The following PRSS23 variants were observed in gnomAD, a reference collection of about 807,000 sequenced individuals.
PRSS23 encodes protease, serine 23.
Under a neutral mutation model 34.7 loss-of-function variants are expected in PRSS23, and 25 were observed. The observed-to-expected ratio is 0.72, with a 90% CI of 0.53 to 1.01. The LOEUF is 1.01. PRSS23 is among the 50% of genes least tolerant of loss of function. The pLI is 0.00. For missense variants in PRSS23, 445 were observed against 475.6 expected (o/e 0.94, Z 0.60); for synonymous variants, 176 against 186.6 (o/e 0.94, Z 0.46).
At position 86,840,278 on chromosome 11, in the gene PRSS23, A is replaced by AAAAC. The variant is rs564155464; in HGVS notation, c.206+16701_206+16704dup. On this transcript the variant is annotated intron_variant, in intron 2 of 2. Transcript: ENST00000533902. ...AAGATCTACCAAGCAAATGGAAAGC[A>AAAAC]AAACAAACAAACAAACAAAAAAAGC... 1.4e-3 allele frequency among the ~76,000 whole-genome samples: 210 copies of AAAAC among 152,326 alleles called. 1 individual carries two copies. Among genetic ancestry groups the AAAAC allele is most frequent in the Non-Finnish European group, 1.5e-3 (103 of 68,026 alleles).
At chr11:86,838,717 A>T (rs1354203946) in intron 2 of PRSS23, among the ~76,000 whole-genome samples, 1 of 152,184 alleles carries the variant, frequency 6.6e-6, no homozygotes, top group Non-Finnish European at 1.5e-5. Flanking sequence ...GACATCTCCC[A>T]GAAGGGGAGC....
chr11:86,917,899 C>T (rs1330935314), intron 2 of PRSS23, among the ~76,000 whole-genome samples: 12 of 152,196 alleles, frequency 7.9e-5, no homozygotes, highest in African/African-American at 2.9e-4. Context: ...GATGCGAAGA[C>T]CTAATTCCCT....
intron 2 of PRSS23, among the ~76,000 whole-genome samples, chr11:86,922,672 G>C (rs1949054548): frequency 6.6e-6 from 1 of 152,138 alleles, no homozygotes; most frequent in Non-Finnish European, 1.5e-5. Context: ...ATATTCTCTA[G>C]AGAATTTTTT....
chr11:86,858,683 G>A (rs774831986), intron 2 of PRSS23, among the ~76,000 whole-genome samples: 22 of 151,196 alleles, frequency 1.5e-4, no homozygotes, highest in African/African-American at 4.4e-4. Context: ...TCCAGTGGGC[G>A]ACAGGATGAT....
chr11:86,847,565 C>T (rs1205730511), intron 2 of PRSS23, among the ~76,000 whole-genome samples: 1 of 152,100 alleles, frequency 6.6e-6, no homozygotes, highest in East Asian at 1.9e-4. Flanking sequence ...CCAGGACTAA[C>T]CAGGGGTGTG....
At position 86,846,620 on chromosome 11, in the gene PRSS23, G is replaced by T. The variant is rs867687215; in HGVS notation, c.206+23027G>T. On this transcript the variant is annotated intron_variant, in intron 2 of 2. Coordinates refer to the PRSS23 transcript ENST00000533902. Reference sequence around the variant, plus strand: ...AGGCTCCCCCTGCATGGGTTAGTGAGCATGAGACAGCCACATCTTCTGACT... The same window carrying T: ...AGGCTCCCCCTGCATGGGTTAGTGATCATGAGACAGCCACATCTTCTGACT... Among the ~76,000 whole-genome samples the T allele has an allele frequency of 5.0e-4, 76 of 152,188 alleles. 1 individual carries two copies. The highest frequency in any genetic ancestry group is 1.6e-3 in the African/African-American group (67 of 41,460).
At chr11:86,859,910 G>T (rs1460859060) in intron 2 of PRSS23, among the ~76,000 whole-genome samples, 2 of 151,744 alleles carry the variant, frequency 1.3e-5, no homozygotes, top group Non-Finnish European at 2.9e-5. Context: ...ATATTGCAGG[G>T]GTTATACACA....
At chr11:86,791,300 G>T (rs1427898984) in intron 1 of PRSS23, 1 of 152,282 alleles carries the variant, frequency 6.6e-6, no homozygotes, top group Non-Finnish European at 1.5e-5. Context: ...AGCCCTTGTG[G>T]CATTCTGCAG....
chr11:86,847,562 T>C (rs1948496900), intron 2 of PRSS23, among the ~76,000 whole-genome samples: 1 of 152,130 alleles, frequency 6.6e-6, no homozygotes, highest in Non-Finnish European at 1.5e-5. Flanking sequence ...GTCCCAGGAC[T>C]AACCAGGGGT....
chr11:86,923,244 C>T (rs1396615653), intron 2 of PRSS23, among the ~76,000 whole-genome samples: 1 of 151,484 alleles, frequency 6.6e-6, no homozygotes, highest in Non-Finnish European at 1.5e-5. Flanking sequence ...CCACCTCTGC[C>T]TCTCAAAAAA....
At chr11:86,884,084 C>T (rs980191876) in intron 2 of PRSS23, among the ~76,000 whole-genome samples, 1 of 152,132 alleles carries the variant, frequency 6.6e-6, no homozygotes, top group Non-Finnish European at 1.5e-5. Flanking sequence ...TGGCTATAGC[C>T]AGTAAATCAT....
chr11:86,865,847 A>G (rs1353227303), intron 2 of PRSS23, among the ~76,000 whole-genome samples: 1 of 152,226 alleles, frequency 6.6e-6, no homozygotes, highest in East Asian at 1.9e-4. Flanking sequence ...GCATGAAACA[A>G]ATGGAAAAAG....
At chr11:86,862,504 A>G (rs1235130220) in intron 2 of PRSS23, among the ~76,000 whole-genome samples, 1 of 152,022 alleles carries the variant, frequency 6.6e-6, no homozygotes, top group Non-Finnish European at 1.5e-5. Flanking sequence ...CTGTGATAAT[A>G]TTCGTAATAT....
chr11:86,939,424 A>AT lies in PRSS23; in HGVS notation c.207-11791dup, dbSNP rs1346009599. Among the ~76,000 whole-genome samples, 443 of 83,962 alleles carry AT rather than the reference A, an allele frequency of 5.3e-3. 3 individuals are homozygous for AT. The highest frequency in any genetic ancestry group is 0.015 in the African/African-American group (422 of 27,988). 55.1% of individuals were successfully genotyped at this position (83,962 alleles called of 152,430 possible). On this transcript the variant is annotated intron_variant, in intron 2 of 2. Coordinates refer to the PRSS23 transcript ENST00000533902. ...AAAAAATATATATATATATATATAT[A>AT]TATTTTTTAACATGAGTAAAAATTG...
At chr11:86,857,680 T>A (rs566012651) in intron 2 of PRSS23, 8 of 570,044 alleles carry the variant, frequency 1.4e-5, no homozygotes, top group African/African-American at 1.1e-4. Context: ...CAGGAGCATG[T>A]CTTCTATACA....
chr11:86,881,582 G>A (rs913004744), intron 2 of PRSS23, among the ~76,000 whole-genome samples: 1 of 152,074 alleles, frequency 6.6e-6, no homozygotes, highest in African/African-American at 2.4e-5. Context: ...GTCTTTGCCT[G>A]ATTTAAATAT....
In PRSS23 at chr11:86,808,362, A is replaced by C; in HGVS notation, c.719A>C (p.Asp240Ala). 6.2e-7 allele frequency: 1 copy of C among 1,614,196 alleles called. No individual in the cohort carries two copies. ...GGTTGGATCAAGGGCAATGCCAATG[A>C]CATCGGCATGGATTATGATTATGCC... ...PKGWIKGNAN[D>A]IGMDYDYALL... is the part of the protein sequence containing the mutation. The change falls in exon 2 of 2, where the codon GAC becomes GCC. Residue 240 changes from aspartate (D) to alanine (A), a missense_variant. Physicochemically the swap from Asp to Ala is moderately radical, Grantham distance 126. Coordinates refer to ENST00000280258, the MANE Select transcript of PRSS23 (RefSeq NM_007173.6).
intron 2 of PRSS23, among the ~76,000 whole-genome samples, chr11:86,904,516 C>G (rs1249720341): frequency 1.3e-5 from 2 of 152,180 alleles, no homozygotes; most frequent in Non-Finnish European, 2.9e-5. Context: ...TCCCAGGAAG[C>G]CTTTCTCAAC....
At chr11:86,881,720 G>A (rs900494592) in intron 2 of PRSS23, among the ~76,000 whole-genome samples, 7 of 151,986 alleles carry the variant, frequency 4.6e-5, no homozygotes, top group African/African-American at 1.7e-4. Context: ...AAATCATCTG[G>A]TCCTGGACTT....
Sources: allele counts gnomAD v4.1 joint callset (sites outside exome capture counted in the v4.1 genomes callset), GRCh38; gene constraint gnomAD v4.1.1; transcripts MANE v1.5; gene names NCBI Gene and HGNC (gene_info 2026-07-23, HGNC 2026-07-21).